Variants in EPC1 observed in about 807,000 individuals in gnomAD.
The protein encoded by EPC1 is enhancer of polycomb homolog 1.
In EPC1, 12 loss-of-function variants were observed where a neutral mutation model predicts 98.4. The ratio of observed to expected loss-of-function variants is 0.12; its 90% CI spans 0.08 to 0.20. The LOEUF (loss-of-function observed/expected upper bound fraction) is 0.20, where lower values mean the gene tolerates loss of function less well. Ranked by LOEUF, EPC1 falls within the 10% of genes least tolerant of loss-of-function variation. EPC1 has a pLI of 1.00. For missense variants in EPC1, 729 were observed against 990.5 expected, an observed-to-expected ratio of 0.74 and a Z score of 3.54; for synonymous variants, 357 against 363.9, an observed-to-expected ratio of 0.98 and a Z score of 0.21.
rs775625085 is a variant in EPC1 at position 32,271,927 on chromosome 10, AAAAG to A, written c.2006-14_2006-11del. 3.9e-5 allele frequency: 63 copies of A among 1,606,146 alleles called. No homozygotes were observed. Among genetic ancestry groups the A allele is most frequent in the South Asian group, 8.9e-5 (8 of 90,242 alleles). On this transcript the variant is annotated splice_polypyrimidine_tract_variant and intron_variant, in intron 12 of 13. Coordinates refer to ENST00000319778, the MANE Select transcript of EPC1 (RefSeq NM_001272004.3). ...AAGCCCTTGTATACTCCTAGAGAGA[AAAAG>A]AAAGAAACATCTAAACAATGTACAA...
At chr10:32,347,669 C>G (rs1838947182), upstream of EPC1, among the ~76,000 whole-genome samples, 1 of 151,520 alleles carries the variant, frequency 6.6e-6, no homozygotes, top group Non-Finnish European at 1.5e-5. Flanking sequence ...CCGCGCGCCG[C>G]CGTCTGCCGC....
chr10:32,275,931 C>T (rs1347358518), intron 10 of EPC1, among the ~76,000 whole-genome samples: 3 of 148,608 alleles, frequency 2.0e-5, no homozygotes, highest in Non-Finnish European at 3.0e-5. Flanking sequence ...AGTGAGACTC[C>T]GTCTCATAAA....
At chr10:32,368,405 C>A (rs892522918) in intron 1 of EPC1, among the ~76,000 whole-genome samples, 11 of 152,174 alleles carry the variant, frequency 7.2e-5, no homozygotes, top group Non-Finnish European at 1.6e-4. Context: ...GTGTGTTCTT[C>A]CATCTTTGCC....
intron 1 of EPC1, among the ~76,000 whole-genome samples, chr10:32,354,753 C>T (rs775757706): frequency 3.3e-5 from 5 of 152,158 alleles, no homozygotes; most frequent in Non-Finnish European, 5.9e-5. Context: ...AAAGCTTCAT[C>T]TGTATTTACA....
chr10:32,315,168 T>C (rs1367395908), intron 1 of EPC1, among the ~76,000 whole-genome samples: 2 of 152,230 alleles, frequency 1.3e-5, no homozygotes, highest in African/African-American at 4.8e-5. Context: ...CTAAATAATA[T>C]TGTCTTTGTA....
At chr10:32,338,195 G>C (rs564839860) in intron 1 of EPC1, among the ~76,000 whole-genome samples, 2 of 152,080 alleles carry the variant, frequency 1.3e-5, no homozygotes, top group South Asian at 2.1e-4. Flanking sequence ...TTCCCTGTAA[G>C]AGGCCCACTC....
chr10:32,286,963 A>G lies in EPC1; in HGVS notation c.1205T>C (p.Phe402Ser). The change falls in exon 8 of 14, where the codon TTT becomes TCT. Residue 402 changes from phenylalanine (F) to serine (S), a missense_variant. By Grantham distance (155) the Phe-to-Ser change is radical. Coordinates refer to ENST00000319778, the MANE Select transcript of EPC1 (RefSeq NM_001272004.3). ...AEEDNDPDGP[F>S]AFRRKAGCQY... ...ACAGCCTGCTTTCCTACGGAAAGCA[A>G]AAGGACCATCAGGATCATTGTCTTC... 1.2e-6 allele frequency: 2 copies of G among 1,613,950 alleles called. No individual in the cohort carries two copies. The highest frequency in any genetic ancestry group is 2.2e-5 in the South Asian group (2 of 91,046).
chr10:32,305,918 T>C lies in EPC1; in HGVS notation c.167A>G (p.Gln56Arg), dbSNP rs761499906. The change falls in exon 2 of 14, where the codon CAG (glutamine) becomes CGG (arginine). Residue 56 changes from glutamine to arginine, a missense_variant. Gln to Arg is a conservative substitution (Grantham distance 43). Around this residue, in one of 6 missense-constraint regions of EPC1, gnomAD observed 46 missense variants for 119.7 expected, o/e 0.38. Transcript: ENST00000319778. ...EKEEESEHHL[Q>R]RAISAQQVYG... The stretch of plus-strand genomic sequence containing the variant: ...CACCTGCTGTGCTGAAATAGCCCGC[T>C]GAAGATGATGTTCCTAAAAAGAAGA... 6.3e-7 allele frequency: 1 copy of C among 1,598,830 alleles called. No individual in the cohort carries two copies. The highest frequency in any genetic ancestry group is 8.5e-7 in the Non-Finnish European group (1 of 1,175,000).
exon 1 of EPC1, chr10:32,378,662 T>C (rs746817926): frequency 4.1e-6 from 2 of 484,936 alleles, no homozygotes; most frequent in Non-Finnish European, 7.4e-6. Flanking sequence ...GGTGGCCGAA[T>C]GGGGTGGCTT....
chr10:32,356,686 G>C (rs11008899), intron 1 of EPC1, among the ~76,000 whole-genome samples: 1 of 152,104 alleles, frequency 6.6e-6, no homozygotes, highest in South Asian at 2.1e-4. Flanking sequence ...GCCTGCGCAC[G>C]TTGATTAAAC....
At chr10:32,302,224 G>A (rs1835593630) in intron 2 of EPC1, among the ~76,000 whole-genome samples, 1 of 151,064 alleles carries the variant, frequency 6.6e-6, no homozygotes, top group Non-Finnish European at 1.5e-5. Flanking sequence ...CTGGGTGACA[G>A]AGCAAGACTC....
intron 10 of EPC1, chr10:32,281,638 AG>A (rs1270661006): frequency 2.6e-5 from 4 of 151,640 alleles, no homozygotes; most frequent in African/African-American, 7.3e-5. Context: ...AATTGTATTT[AG>A]AATTCTGTAT....
At chr10:32,275,238 AT>A (rs1045850280) in intron 10 of EPC1, among the ~76,000 whole-genome samples, 2 of 152,230 alleles carry the variant, frequency 1.3e-5, no homozygotes, top group Admixed American at 1.3e-4. Context: ...AAGTCCAAAT[AT>A]TTTTGCCTTA....
chr10:32,359,062 C>A (rs530479644), intron 1 of EPC1, among the ~76,000 whole-genome samples: 1 of 152,268 alleles, frequency 6.6e-6, no homozygotes, highest in South Asian at 2.1e-4. Flanking sequence ...GACCATAGAA[C>A]CCCTTTCTGT....
chr10:32,328,533 T>C (rs1476283870), intron 1 of EPC1, among the ~76,000 whole-genome samples: 3 of 152,206 alleles, frequency 2.0e-5, no homozygotes, highest in South Asian at 2.1e-4. Flanking sequence ...TAGCTCCCAA[T>C]GAGGGCATAT....
intron 1 of EPC1, among the ~76,000 whole-genome samples, chr10:32,328,342 A>G (rs934997973): frequency 3.9e-5 from 6 of 152,244 alleles, no homozygotes; most frequent in African/African-American, 7.2e-5. Flanking sequence ...AGCAGCGTTT[A>G]TAAGACATAC....
chr10:32,299,229 A>G (rs1178970433), intron 2 of EPC1, among the ~76,000 whole-genome samples: 1 of 152,052 alleles, frequency 6.6e-6, no homozygotes, highest in Non-Finnish European at 1.5e-5. Flanking sequence ...GCTGTCACCC[A>G]GACTGGAGTG....
At chr10:32,311,205 AG>A (rs1357063495) in intron 1 of EPC1, among the ~76,000 whole-genome samples, 1 of 151,712 alleles carries the variant, frequency 6.6e-6, no homozygotes, top group Admixed American at 6.6e-5. Flanking sequence ...CCCAGCTACT[AG>A]GGAGGCTGAG....
chr10:32,298,968 ACTT>A (rs1835334171), intron 2 of EPC1, among the ~76,000 whole-genome samples: 1 of 152,154 alleles, frequency 6.6e-6, no homozygotes, highest in African/African-American at 2.4e-5. Flanking sequence ...AAAAAACTTT[ACTT>A]AGAAGTCAAA....
Sources: allele counts gnomAD v4.1 joint callset (sites outside exome capture counted in the v4.1 genomes callset), GRCh38; gene constraint gnomAD v4.1.1; regional missense constraint gnomAD v4.1.1; transcripts MANE v1.5; gene names NCBI Gene and HGNC (gene_info 2026-07-23, HGNC 2026-07-21).